Variants in GMEB1 observed in about 807,000 individuals in gnomAD.
GMEB1 encodes the protein glucocorticoid modulatory element-binding protein 1.
A neutral mutation model predicts 52.4 loss-of-function variants in GMEB1; 6 were observed. That is an observed-to-expected ratio of 0.11 (90% CI 0.06 to 0.23). GMEB1 has a LOEUF of 0.23. Among genes scored for constraint, GMEB1 ranks in the 10% least tolerant of loss-of-function variants. The pLI, the probability that GMEB1 is intolerant of heterozygous loss-of-function variation, is 1.00. For synonymous variants in GMEB1, 255 were observed against 244.9 expected (o/e 1.04, Z -0.38); for missense variants, 486 against 685.6 (o/e 0.71, Z 3.25).
chr1:28,705,964 T>C (rs1037811536), intron 8 of GMEB1, among the ~76,000 whole-genome samples: 1 of 144,978 alleles, frequency 6.9e-6, no homozygotes, highest in Non-Finnish European at 1.5e-5. Context: ...ACCATCCTGG[T>C]TAACACGGTG....
intron 1 of GMEB1, among the ~76,000 whole-genome samples, chr1:28,673,780 G>T (rs1220989809): frequency 6.6e-6 from 1 of 152,070 alleles, no homozygotes; most frequent in African/African-American, 2.4e-5. Flanking sequence ...TTGGGAGGCC[G>T]AGGTGAGAGG....
intron 1 of GMEB1, among the ~76,000 whole-genome samples, chr1:28,681,379 A>T (rs1236369253): frequency 6.6e-6 from 1 of 152,162 alleles, no homozygotes; most frequent in African/African-American, 2.4e-5. Context: ...AAAAAAAGAA[A>T]ATAGTTTAGC....
At chr1:28,691,164 G>A (rs1373648839) in intron 3 of GMEB1, among the ~76,000 whole-genome samples, 1 of 151,570 alleles carries the variant, frequency 6.6e-6, no homozygotes, top group Non-Finnish European at 1.5e-5. Context: ...GGTGGTGTGT[G>A]GTATATGGTT....
chr1:28,689,652 G>A (rs1669863106), intron 2 of GMEB1: 1 of 152,386 alleles, frequency 6.6e-6, no homozygotes, highest in Non-Finnish European at 1.5e-5. Context: ...TAAATAAAAA[G>A]TTATGAAAGG....
intron 1 of GMEB1, among the ~76,000 whole-genome samples, chr1:28,680,049 C>G (rs1570386938): frequency 1.3e-5 from 2 of 152,138 alleles, no homozygotes; most frequent in East Asian, 3.9e-4. Flanking sequence ...CTCAGGTGAT[C>G]CGCCTGCCTC....
At position 28,714,899 on chromosome 1, in the gene GMEB1, G is replaced by A. The variant is rs1671223330; in HGVS notation, c.*126G>A. 1.4e-6 allele frequency: 1 copy of A among 703,048 alleles called. No homozygotes were observed. The highest frequency in any genetic ancestry group is 2.1e-5 in the South Asian group (1 of 47,622). The allele number at this position is 703,048 out of a possible 1,614,324, so 43.6% of individuals were successfully genotyped here. A position where few individuals can be genotyped will look rare whatever the true frequency, so the allele number is the denominator to read the frequency against. On this transcript the variant is annotated 3_prime_UTR_variant, in exon 10 of 10. Transcript: ENST00000373816. ...AAAAAAAAAAAAACAAAATCTTATT[G>A]TTGTAACTGAAAATGTTGGGTTCTT...
chr1:28,681,858 G>A (rs1234253640), intron 1 of GMEB1, among the ~76,000 whole-genome samples: 5 of 151,854 alleles, frequency 3.3e-5, no homozygotes, highest in African/African-American at 1.2e-4. Context: ...ATGTACCACC[G>A]CGCCAGGCCA....
Position 28,704,276 on chromosome 1 carries a change from A to C in GMEB1, c.815A>C (p.Glu272Ala). Residue 272 changes from glutamate to alanine, a missense_variant, in exon 8 of 10, where the codon GAG becomes GCG. Glu to Ala is a moderately radical substitution (Grantham distance 107, BLOSUM62 -1). This residue lies in a region of GMEB1 where 200 missense variants were observed against 253.5 expected (regional missense o/e 0.79). Coordinates refer to ENST00000373816, the MANE Select transcript of GMEB1 (RefSeq NM_001319674.2). ...TGCAATATACAGAAGGAAATAGAGG[A>C]GCTACTCAGGGGAGTTCAGCAGCGG... ...VVCNIQKEIE[E>A]LLRGVQQRLI... The C allele has an allele frequency of 6.2e-7, 1 of 1,613,848 alleles. No homozygotes were observed. Among genetic ancestry groups the C allele is most frequent in the Non-Finnish European group, 8.5e-7 (1 of 1,179,876 alleles).
chr1:28,707,610 C>T (rs556665912), intron 8 of GMEB1, among the ~76,000 whole-genome samples: 2 of 152,212 alleles, frequency 1.3e-5, no homozygotes, highest in South Asian at 4.1e-4. Context: ...GTGGTGATGC[C>T]ATTTACTGAG....
At chr1:28,683,143 C>A (rs1289546924) in intron 1 of GMEB1, among the ~76,000 whole-genome samples, 1 of 152,090 alleles carries the variant, frequency 6.6e-6, no homozygotes, top group Non-Finnish European at 1.5e-5. Flanking sequence ...AGTTCCCATC[C>A]TTTTTAGAGG....
In GMEB1 at chr1:28,694,335, C is replaced by T. The variant is rs561034736; in HGVS notation, c.440+1290C>T. ...CCTCCCCAGTAGCTGGGACTACAGGCGCGTGCCACCATACCCAGCTAATTT... is the reference window on the plus strand; with the variant it reads ...CCTCCCCAGTAGCTGGGACTACAGGTGCGTGCCACCATACCCAGCTAATTT... On this transcript the variant is annotated intron_variant, in intron 5 of 9. Transcript: ENST00000373816. Among the ~76,000 whole-genome samples, 18 of 149,738 alleles carry T rather than the reference C, an allele frequency of 1.2e-4. No individual in the cohort carries two copies. In the East Asian group the frequency reaches 2.4e-3, roughly 20 times the overall value.
chr1:28,670,184 G>A (rs1668819974), intron 1 of GMEB1, among the ~76,000 whole-genome samples: 1 of 90,770 alleles, frequency 1.1e-5, no homozygotes, highest in Non-Finnish European at 2.6e-5. Context: ...TTTGTTTTTT[G>A]AGACGGAGTC....
At chr1:28,700,100 C>T (rs1359236661) in intron 6 of GMEB1, among the ~76,000 whole-genome samples, 1 of 150,248 alleles carries the variant, frequency 6.7e-6, no homozygotes, top group Non-Finnish European at 1.5e-5. Context: ...CCGGGTGCAG[C>T]GGCCCACGCC....
intron 6 of GMEB1, among the ~76,000 whole-genome samples, chr1:28,698,766 C>T (rs954418566): frequency 5.9e-5 from 9 of 151,890 alleles, no homozygotes; most frequent in African/African-American, 2.2e-4. Flanking sequence ...GGAGGATCAC[C>T]TGAGGTCAGG....
At chr1:28,692,103 T>C (rs143445058) in intron 4 of GMEB1, among the ~76,000 whole-genome samples, 1 of 151,628 alleles carries the variant, frequency 6.6e-6, no homozygotes, top group Non-Finnish European at 1.5e-5. Context: ...CTCCACTTCC[T>C]GGGTTCAGGT....
At chr1:28,679,922 G>T (rs912914078) in intron 1 of GMEB1, among the ~76,000 whole-genome samples, 1 of 151,640 alleles carries the variant, frequency 6.6e-6, no homozygotes, top group Non-Finnish European at 1.5e-5. Context: ...TCTCCTGCCT[G>T]AGCCTCCCAA....
At chr1:28,689,286 A>C (rs1669842632) in intron 2 of GMEB1, among the ~76,000 whole-genome samples, 1 of 151,984 alleles carries the variant, frequency 6.6e-6, no homozygotes, top group Admixed American at 6.6e-5. Flanking sequence ...TCAACCTCCC[A>C]AAGTACTGGA....
chr1:28,702,674 C>T, intron 7 of GMEB1, 105 bp downstream of exon 7: 1 of 986,960 alleles, frequency 1.0e-6, no homozygotes, highest in Non-Finnish European at 1.5e-6. Context: ...TGGATTTTCT[C>T]ATGCACGTAA....
intron 1 of GMEB1, among the ~76,000 whole-genome samples, chr1:28,673,937 G>A (rs890760988): frequency 6.6e-6 from 1 of 151,958 alleles, no homozygotes; most frequent in Non-Finnish European, 1.5e-5. Flanking sequence ...CACGAGGTCA[G>A]GAGTTCAAGA....
Sources: allele counts gnomAD v4.1 joint callset (sites outside exome capture counted in the v4.1 genomes callset), GRCh38; gene constraint gnomAD v4.1.1; regional missense constraint gnomAD v4.1.1; transcripts MANE v1.5; gene names NCBI Gene and HGNC (gene_info 2026-07-23, HGNC 2026-07-21).